The following ATP10A variants were observed in gnomAD, a reference collection of about 807,000 sequenced individuals.
ATP10A encodes phospholipid-transporting ATPase VA.
A neutral mutation model predicts 147.8 loss-of-function variants in ATP10A; 111 were observed. That is an observed-to-expected ratio of 0.75 (90% CI 0.64 to 0.88). The LOEUF (loss-of-function observed/expected upper bound fraction) is 0.88. Among genes scored for constraint, ATP10A ranks in the 40% least tolerant of loss-of-function variants. The probability of loss-of-function intolerance (pLI) is 0.00; values close to 1 mark genes in which losing one functional copy is unlikely to be tolerated. For missense variants in ATP10A, 1,927 were observed against 1,959.0 expected (o/e 0.98, Z 0.31); for synonymous variants, 875 against 841.6 (o/e 1.04, Z -0.69).
intron 1 of ATP10A, among the ~76,000 whole-genome samples, chr15:25,784,575 T>C (rs1267610062): frequency 6.6e-6 from 1 of 151,976 alleles, no homozygotes; most frequent in African/African-American, 2.4e-5. Flanking sequence ...CTGTCCTGGT[T>C]TGTGGGAGTG....
intron 3 of ATP10A, among the ~76,000 whole-genome samples, chr15:25,729,857 A>T (rs1217501158): frequency 6.6e-6 from 1 of 152,018 alleles, no homozygotes; most frequent in African/African-American, 2.4e-5. Context: ...GGAGCTGCTC[A>T]TGTCCTATCC....
At chr15:25,826,948 A>G (rs1369515001) in intron 1 of ATP10A, among the ~76,000 whole-genome samples, 1 of 152,260 alleles carries the variant, frequency 6.6e-6, no homozygotes, top group East Asian at 1.9e-4. Flanking sequence ...ACACATCATA[A>G]TCAAACTGTC....
intron 1 of ATP10A, chr15:25,841,775 T>C (rs991691509): frequency 6.6e-6 from 1 of 152,206 alleles, no homozygotes; most frequent in Non-Finnish European, 1.5e-5. Flanking sequence ...TGTATGAGCA[T>C]TGTGAAACTT....
chr15:25,780,427 C>T (rs1036330942), intron 2 of ATP10A, among the ~76,000 whole-genome samples: 9 of 152,228 alleles, frequency 5.9e-5, no homozygotes, highest in African/African-American at 9.6e-5. Context: ...CTCACACTCC[C>T]GGCACAGACC....
At chr15:25,785,321 G>A (rs72705896) in intron 1 of ATP10A, among the ~76,000 whole-genome samples, 3,791 of 152,264 alleles carry the variant, frequency 0.025, 58 homozygotes, top group East Asian at 0.036. Context: ...AGGCAGCAGA[G>A]GCGTGCGCAC....
rs560132746 is a variant in ATP10A at position 25,819,104 on chromosome 15, G to A, written c.450-37881C>T. Among the ~76,000 whole-genome samples, 142 of 152,246 alleles carry A rather than the reference G, an allele frequency of 9.3e-4. 1 individual carries two copies. The highest frequency in any genetic ancestry group is 1.6e-3 in the Non-Finnish European group (106 of 68,010). On this transcript the variant is annotated intron_variant, in intron 1 of 20. Coordinates refer to ENST00000555815, the MANE Select transcript of ATP10A (RefSeq NM_024490.4). ...TGGGACTTAAACTAAAAAAGCTTCTGCACAGCAAAAGAAATAATCAACAGA... is the reference window on the plus strand; with the variant it reads ...TGGGACTTAAACTAAAAAAGCTTCTACACAGCAAAAGAAATAATCAACAGA...
chr15:25,685,468 A>G (rs930526677), intron 16 of ATP10A, among the ~76,000 whole-genome samples: 2 of 152,104 alleles, frequency 1.3e-5, no homozygotes, highest in African/African-American at 4.8e-5. Flanking sequence ...CCTCCCTTCG[A>G]TCTGAGACAT....
In ATP10A at chr15:25,729,731, C is replaced by T. The variant is rs1232206822; in HGVS notation, c.741-2465G>A. On this transcript the variant is annotated intron_variant, in intron 3 of 20. Transcript: ENST00000555815. ...CTCTGCCTGAGGTAGCCCGGCCTTC[C>T]GGCCTGGGCTCAGCTTCTGCCGCCT... 3.3e-5 allele frequency among the ~76,000 whole-genome samples: 5 copies of T among 152,158 alleles called. No individual in the cohort carries two copies. In the South Asian group the frequency reaches 6.2e-4, roughly 19 times the overall value.
intron 1 of ATP10A, among the ~76,000 whole-genome samples, chr15:25,784,321 G>A (rs560225160): frequency 1.3e-5 from 2 of 152,314 alleles, no homozygotes; most frequent in African/African-American, 4.8e-5. Flanking sequence ...GGCGGAGGAG[G>A]AGAGACACCG....
chr15:25,845,668 GGCA>G (rs1567428241), intron 1 of ATP10A, among the ~76,000 whole-genome samples: 1 of 152,136 alleles, frequency 6.6e-6, no homozygotes. Flanking sequence ...CCTCTCCACT[GGCA>G]GCAGCAGCAT....
At chr15:25,821,841 C>T (rs112467329) in intron 1 of ATP10A, among the ~76,000 whole-genome samples, 1 of 152,154 alleles carries the variant, frequency 6.6e-6, no homozygotes, top group South Asian at 2.1e-4. Flanking sequence ...GGCAAAGAAT[C>T]CTGCAAATGA....
At chr15:25,698,966 A>G (rs1166165909) in intron 13 of ATP10A, among the ~76,000 whole-genome samples, 1 of 152,214 alleles carries the variant, frequency 6.6e-6, no homozygotes, top group East Asian at 1.9e-4. Flanking sequence ...AAATGTAGAG[A>G]TATACCATGT....
intron 1 of ATP10A, among the ~76,000 whole-genome samples, chr15:25,856,269 C>T (rs1353682455): frequency 1.3e-5 from 2 of 152,122 alleles, no homozygotes; most frequent in African/African-American, 4.8e-5. Context: ...GTGAGTCTCA[C>T]GAGATCTGAT....
At chr15:25,755,498 A>C (rs1888364772) in intron 2 of ATP10A, among the ~76,000 whole-genome samples, 1 of 152,206 alleles carries the variant, frequency 6.6e-6, no homozygotes, top group African/African-American at 2.4e-5. Flanking sequence ...AACCCAGAAC[A>C]GTTTTGGGAC....
At chr15:25,731,993 C>A (rs1028891362) in intron 3 of ATP10A, among the ~76,000 whole-genome samples, 1 of 152,072 alleles carries the variant, frequency 6.6e-6, no homozygotes, top group Non-Finnish European at 1.5e-5. Context: ...GTTTCTGTGA[C>A]TACAGGTGTG....
rs577718809 is a variant in ATP10A, at chr15:25,804,448, G to A, written c.450-23225C>T. ...GTGTGTATGTGTGGTGTGTGTGTCT[G>A]TGTGCATGGTGTGTGTGTGGTGTAT... On this transcript the variant is annotated intron_variant, in intron 1 of 20. Transcript: ENST00000555815. Among the ~76,000 whole-genome samples, 146 of 133,680 alleles carry A rather than the reference G, an allele frequency of 1.1e-3. 1 individual carries two copies. Among genetic ancestry groups the A allele is most frequent in the African/African-American group, 4.5e-3 (135 of 30,006 alleles). 87.7% of individuals were successfully genotyped at this position (133,680 alleles called of 152,430 possible). A position where few individuals can be genotyped will look rare whatever the true frequency, so the allele number is the denominator to read the frequency against.
At chr15:25,823,842 G>A (rs957224164) in intron 1 of ATP10A, among the ~76,000 whole-genome samples, 8 of 152,156 alleles carry the variant, frequency 5.3e-5, no homozygotes, top group African/African-American at 1.9e-4. Flanking sequence ...AAATAAAATA[G>A]CTACTTACTT....
intron 2 of ATP10A, among the ~76,000 whole-genome samples, chr15:25,748,849 G>T (rs1207994891): frequency 6.6e-6 from 1 of 151,606 alleles, no homozygotes; most frequent in Admixed American, 6.6e-5. Flanking sequence ...GAGGTCAGGA[G>T]TTCAAGAACA....
At chr15:25,770,865 C>G (rs941326744) in intron 2 of ATP10A, among the ~76,000 whole-genome samples, 4 of 152,254 alleles carry the variant, frequency 2.6e-5, no homozygotes, top group Middle Eastern at 3.4e-3. Context: ...GACATCTGGG[C>G]GTGGCCAACC....
Sources: gnomAD v4.1 joint callset for allele counts (sites outside exome capture counted in the v4.1 genomes callset) on GRCh38, gnomAD v4.1.1 for gene constraint, MANE v1.5 for transcripts, NCBI Gene and HGNC (gene_info 2026-07-23, HGNC 2026-07-21) for gene names.